Variants in BCL9 observed in about 807,000 individuals in gnomAD.
BCL9 encodes BCL9 transcription coactivator.
A neutral mutation model predicts 88.5 loss-of-function variants in BCL9; 25 were observed. The observed-to-expected ratio is 0.28, with a 90% CI of 0.21 to 0.39. The LOEUF (loss-of-function observed/expected upper bound fraction) is 0.39. Ranked by LOEUF, BCL9 falls within the 10% of genes least tolerant of loss-of-function variation. The pLI is 1.00. For missense variants in BCL9, 1,817 were observed against 1,877.8 expected (o/e 0.97, Z 0.60); for synonymous variants, 711 against 673.3 (o/e 1.06, Z -0.87).
rs587742725 is a variant in BCL9 at position 147,576,209 on chromosome 1, C to T, written c.-477-28568C>T. Among the ~76,000 whole-genome samples the T allele has an allele frequency of 4.1e-4, 63 of 152,126 alleles. No homozygotes were observed. The East Asian group carries it at 0.011, about 27-fold the overall frequency. On this transcript the variant is annotated intron_variant, in intron 1 of 9. Coordinates refer to ENST00000234739, the MANE Select transcript of BCL9 (RefSeq NM_004326.4). ...TGTTTATTCTTTAAAAAAGTTTTAA[C>T]ATAATTATTAAAAATTAGTAGATGA...
chr1:147,565,599 A>G (rs376116496), intron 1 of BCL9, among the ~76,000 whole-genome samples: 2 of 152,136 alleles, frequency 1.3e-5, no homozygotes, highest in East Asian at 3.9e-4. Context: ...CTGCTTTGGG[A>G]GCTAGAGTGT....
chr1:147,600,383 G>A (rs189636317), intron 1 of BCL9: 1 of 152,134 alleles, frequency 6.6e-6, no homozygotes, highest in East Asian at 2.0e-4. Context: ...CGGAGCCGGG[G>A]GTAGTGGGGG....
intron 1 of BCL9, among the ~76,000 whole-genome samples, chr1:147,596,409 T>TTA (rs1657050957): frequency 1.3e-3 from 1 of 762 alleles, no homozygotes; most frequent in South Asian, 0.021. Context: ...TTTCTTTTTT[T>TTA]TCTTTTCTTT....
intron 1 of BCL9, among the ~76,000 whole-genome samples, chr1:147,566,633 G>A (rs1387575031): frequency 6.6e-6 from 1 of 151,998 alleles, no homozygotes; most frequent in African/African-American, 2.4e-5. Context: ...GCGGGCGCCT[G>A]TAGTCCCAGC....
chr1:147,548,871 A>G (rs1485891387), intron 1 of BCL9, among the ~76,000 whole-genome samples: 1 of 152,188 alleles, frequency 6.6e-6, no homozygotes, highest in African/African-American at 2.4e-5. Flanking sequence ...CATTAAAGAA[A>G]GGAAATTTCT....
At chr1:147,575,881 C>CA (rs34607547) in intron 1 of BCL9, among the ~76,000 whole-genome samples, 71,002 of 151,964 alleles carry the variant, frequency 0.47, 19,980 homozygotes, top group African/African-American at 0.81. Context: ...CTGGATTCTG[C>CA]AATCTTTAAA....
At chr1:147,616,572 C>A (rs782390105) in intron 7 of BCL9, among the ~76,000 whole-genome samples, 17 of 152,080 alleles carry the variant, frequency 1.1e-4, no homozygotes, top group Admixed American at 8.5e-4. Context: ...TTGAGACCAT[C>A]CTGGCTAACC....
At chr1:147,559,832 T>A (rs61001704) in intron 1 of BCL9, among the ~76,000 whole-genome samples, 1,553 of 152,236 alleles carry the variant, frequency 0.01, 35 homozygotes, top group African/African-American at 0.036. Context: ...AGAAAAATAG[T>A]ATTTGAAAAA....
chr1:147,620,265 G>A lies in BCL9; in HGVS notation c.2110G>A (p.Gly704Ser), dbSNP rs1483409279. ...AGGAATTCCCCCACAGATGGGCCCT[G>A]GTCGGGAACTTGAGTTTGGGATGGT... is the stretch of plus-strand genomic sequence containing the variant. ...PKGIPPQMGP[G>S]RELEFGMVPS... is the part of the protein sequence containing the mutation. Residue 704 changes from glycine to serine, a missense_variant, in exon 8 of 10, where the codon GGT becomes AGT. Physicochemically the swap from Gly to Ser is moderately conservative, Grantham distance 56 (BLOSUM62 0). Transcript: ENST00000234739. 2 of 1,613,990 alleles carry A rather than the reference G, an allele frequency of 1.2e-6. No homozygotes were observed. The highest frequency in any genetic ancestry group is 2.7e-5 in the African/African-American group (2 of 74,938).
chr1:147,624,796 G>A lies in BCL9; in HGVS notation c.4118G>A (p.Gly1373Glu), dbSNP rs781797081. The change falls in exon 10 of 10, where the codon GGG becomes GAG. Residue 1373 changes from glycine (G) to glutamate (E), a missense_variant. Transcript: ENST00000234739. This position sits in a 1 kb window ranked among gnomAD's most constrained non-coding sequence, Gnocchi z 4.4. ...RGPAGLYTHP[G>E]PVGSPGMMMS... ...CCTGCCGGGCTCTACACCCACCCTG[G>A]GCCTGTGGGCTCTCCAGGCATGATG... 1.2e-5 allele frequency: 19 copies of A among 1,613,938 alleles called. No individual in the cohort carries two copies. The South Asian group carries it at 2.1e-4, about 18-fold the overall frequency.
At position 147,541,603 on chromosome 1, in the gene BCL9, C is replaced by CT. The variant is rs1387164996; in HGVS notation, c.-543dup. 6.6e-5 allele frequency: 10 copies of CT among 152,120 alleles called. No individual in the cohort carries two copies. The highest frequency in any genetic ancestry group is 1.5e-4 in the Non-Finnish European group (10 of 68,088). 9.4% of individuals were successfully genotyped at this position (152,120 alleles called of 1,614,324 possible). On this transcript the variant is annotated 5_prime_UTR_variant, in exon 1 of 10. It removes the in-frame stop codon of an upstream open reading frame in the 5' UTR. Transcript: ENST00000234739. ...AGGCCAGGGATTGCGGGAAAAGGGT[C>CT]TTTTTTGTCTTCATTCACTTTCCCC...
chr1:147,610,505 C>T (rs1553202482), intron 3 of BCL9, among the ~76,000 whole-genome samples: 3 of 152,168 alleles, frequency 2.0e-5, no homozygotes, highest in Admixed American at 6.5e-5. Flanking sequence ...TTAGCCCAGT[C>T]TCCATTCTCT....
intron 1 of BCL9, among the ~76,000 whole-genome samples, chr1:147,583,574 A>G (rs1450810894): frequency 6.6e-6 from 1 of 152,008 alleles, no homozygotes; most frequent in African/African-American, 2.4e-5. Flanking sequence ...CACTATGCCC[A>G]GCCTAGATCG....
At chr1:147,585,218 G>A (rs1656546495) in intron 1 of BCL9, among the ~76,000 whole-genome samples, 1 of 152,192 alleles carries the variant, frequency 6.6e-6, no homozygotes, top group African/African-American at 2.4e-5. Flanking sequence ...TTAGAGATGT[G>A]TTCCTTTAAA....
chr1:147,566,253 T>TA (rs1410999789), intron 1 of BCL9, among the ~76,000 whole-genome samples: 3 of 152,294 alleles, frequency 2.0e-5, no homozygotes, highest in Non-Finnish European at 4.4e-5. Context: ...ATTGTAGCTG[T>TA]AGGGTCCATT....
chr1:147,622,419 A>G lies in BCL9; in HGVS notation c.3051A>G (p.Ala1017=). 1 of 1,614,154 alleles carries G rather than the reference A, an allele frequency of 6.2e-7. No individual in the cohort carries two copies. Among genetic ancestry groups the G allele is most frequent in the Non-Finnish European group, 8.5e-7 (1 of 1,180,028 alleles). Residue 1017 remains alanine, a synonymous_variant, in exon 9 of 10, where the codon GCA becomes GCG. Transcript: ENST00000234739. ...SIMMSRMSKF[A]MPSSTPLYHD... Reference sequence around the variant, plus strand: ...TGATGTCTCGAATGTCCAAGTTTGCAATGCCCAGTTCCACCCCGTTATACC... The same window carrying G: ...TGATGTCTCGAATGTCCAAGTTTGCGATGCCCAGTTCCACCCCGTTATACC...
At chr1:147,560,737 C>A (rs1390862850) in intron 1 of BCL9, among the ~76,000 whole-genome samples, 2 of 151,948 alleles carry the variant, frequency 1.3e-5, no homozygotes, top group Non-Finnish European at 2.9e-5. Context: ...CATAGTGAGA[C>A]CTCATCTTTA....
intron 1 of BCL9, among the ~76,000 whole-genome samples, chr1:147,574,272 T>C (rs587596522): frequency 6.6e-6 from 1 of 152,284 alleles, no homozygotes; most frequent in East Asian, 1.9e-4. Context: ...TGCCACTGTG[T>C]CCACTCTCAG....
rs375709766 is a variant in BCL9, at chr1:147,622,449, T to C, written c.3081T>C (p.Asp1027=). The change falls in exon 9 of 10, where the codon GAT becomes GAC. Residue 1027 remains aspartate, a synonymous_variant. Coordinates refer to ENST00000234739, the MANE Select transcript of BCL9 (RefSeq NM_004326.4). ...CCAGTTCCACCCCGTTATACCATGA[T>C]GCTATCAAGACTGTGGCCAGCTCAG... ...AMPSSTPLYH[D]AIKTVASSDD... 11 of 1,614,060 alleles carry C rather than the reference T, an allele frequency of 6.8e-6. No homozygotes were observed. The African/African-American group carries it at 1.5e-4, about 22-fold the overall frequency.
Sources: gnomAD v4.1 joint callset for allele counts (sites outside exome capture counted in the v4.1 genomes callset) on GRCh38, gnomAD v4.1.1 for gene constraint, Gnocchi (gnomAD v3.1) non-coding constraint, MANE v1.5 for transcripts, NCBI Gene and HGNC (gene_info 2026-07-23, HGNC 2026-07-21) for gene names.